GPC5: variants seen among roughly 807,000 people sequenced by gnomAD.
The protein encoded by GPC5 is glypican-5.
A neutral mutation model predicts 53.9 loss-of-function variants in GPC5; 47 were observed. That is an observed-to-expected ratio of 0.87 (90% CI 0.69 to 1.11). The LOEUF is 1.11. Among genes scored for constraint, GPC5 ranks in the 50% most tolerant of loss-of-function variants. GPC5 has a pLI of 0.00. For synonymous variants in GPC5, 286 were observed against 263.3 expected, an observed-to-expected ratio of 1.09 and a Z score of -0.84; for missense variants, 748 against 713.1, an observed-to-expected ratio of 1.05 and a Z score of -0.56.
chr13:91,910,834 C>A (rs2039603193), intron 6 of GPC5, among the ~76,000 whole-genome samples: 1 of 152,106 alleles, frequency 6.6e-6, no homozygotes, highest in African/African-American at 2.4e-5. Flanking sequence ...GCAGACACAA[C>A]CCTGCTCTCA....
At chr13:92,186,664 G>C (rs540549505) in intron 7 of GPC5, among the ~76,000 whole-genome samples, 13 of 152,148 alleles carry the variant, frequency 8.5e-5, no homozygotes, top group Non-Finnish European at 1.6e-4. Context: ...TACTGGATTT[G>C]ATTCTAACTC....
intron 5 of GPC5, among the ~76,000 whole-genome samples, chr13:91,899,053 A>G (rs137905830): frequency 0.011 from 1,680 of 152,272 alleles, 12 homozygotes; most frequent in African/African-American, 0.021. Context: ...ATTAAAATTT[A>G]TTCTTTGTTT....
intron 6 of GPC5, among the ~76,000 whole-genome samples, chr13:91,975,063 A>C (rs59083831): frequency 0.033 from 5,001 of 152,230 alleles, 207 homozygotes; most frequent in African/African-American, 0.1. Flanking sequence ...AACTGGCTAG[A>C]CATATGTAGA....
intron 3 of GPC5, among the ~76,000 whole-genome samples, chr13:91,708,618 A>G (rs573248747): frequency 3.9e-5 from 6 of 152,208 alleles, no homozygotes; most frequent in Non-Finnish European, 8.8e-5. Context: ...TGGTTGCACT[A>G]CTCTGTGAAT....
chr13:91,538,774 G>A (rs1886709125), intron 2 of GPC5, among the ~76,000 whole-genome samples: 1 of 151,450 alleles, frequency 6.6e-6, no homozygotes, highest in Non-Finnish European at 1.5e-5. Flanking sequence ...AGTAGAGACC[G>A]GGTTTCACCA....
At chr13:92,827,950 T>C (rs1877908883) in intron 7 of GPC5, among the ~76,000 whole-genome samples, 1 of 152,066 alleles carries the variant, frequency 6.6e-6, no homozygotes, top group Admixed American at 6.6e-5. Flanking sequence ...CTGAGGGAGC[T>C]ACAAGTTACC....
chr13:92,659,118 C>G (rs1231079779), intron 7 of GPC5: 1 of 149,848 alleles, frequency 6.7e-6, no homozygotes, highest in African/African-American at 2.4e-5. Context: ...TTAGTAGAGA[C>G]GGGGTTTCAC....
At chr13:91,559,429 A>G (rs928585837) in intron 2 of GPC5, among the ~76,000 whole-genome samples, 7 of 152,168 alleles carry the variant, frequency 4.6e-5, no homozygotes, top group Non-Finnish European at 1.0e-4. Context: ...TATGATGGCC[A>G]TAAGTAATAG....
At chr13:92,675,635 C>G (rs1172567676) in intron 7 of GPC5, among the ~76,000 whole-genome samples, 2 of 151,738 alleles carry the variant, frequency 1.3e-5, no homozygotes, top group African/African-American at 4.8e-5. Context: ...TTTTTCAACT[C>G]CAAATAAATA....
intron 5 of GPC5, among the ~76,000 whole-genome samples, chr13:91,884,642 T>C (rs2039303386): frequency 6.6e-6 from 1 of 152,222 alleles, no homozygotes; most frequent in Admixed American, 6.5e-5. Context: ...CTGGCACTTG[T>C]GTAATAAATA....
chr13:92,237,280 C>T (rs1026936825), intron 7 of GPC5, among the ~76,000 whole-genome samples: 9 of 152,032 alleles, frequency 5.9e-5, no homozygotes, highest in South Asian at 2.1e-4. Flanking sequence ...AGTGCAGTGG[C>T]GTAATCTCAG....
chr13:92,721,130 G>A (rs1888497523), intron 7 of GPC5, among the ~76,000 whole-genome samples: 1 of 151,936 alleles, frequency 6.6e-6, no homozygotes, highest in African/African-American at 2.4e-5. Context: ...GGATACACAG[G>A]GAACTGAATG....
At chr13:92,157,712 G>A (rs1430957035) in intron 7 of GPC5, among the ~76,000 whole-genome samples, 4 of 152,226 alleles carry the variant, frequency 2.6e-5, no homozygotes, top group Middle Eastern at 3.4e-3. Context: ...GAGGTTTATC[G>A]TTATTTTTTG....
chr13:92,467,921 A>G (rs1878762312), intron 7 of GPC5, among the ~76,000 whole-genome samples: 1 of 152,130 alleles, frequency 6.6e-6, no homozygotes, highest in Non-Finnish European at 1.5e-5. Flanking sequence ...AGATTATGAG[A>G]TATCCAGTAA....
intron 6 of GPC5, among the ~76,000 whole-genome samples, chr13:92,120,427 T>G (rs1301048060): frequency 6.6e-6 from 1 of 152,126 alleles, no homozygotes; most frequent in Admixed American, 6.5e-5. Flanking sequence ...CTGGCTATTT[T>G]TTAAAATTTT....
intron 2 of GPC5, among the ~76,000 whole-genome samples, chr13:91,560,283 G>A (rs915713381): frequency 1.4e-4 from 21 of 152,112 alleles, no homozygotes; most frequent in Non-Finnish European, 2.2e-4. Context: ...ACTCTACTAA[G>A]GCATTGGGAA....
intron 2 of GPC5, among the ~76,000 whole-genome samples, chr13:91,678,042 C>T (rs771696459): frequency 1.3e-5 from 2 of 152,050 alleles, no homozygotes; most frequent in Non-Finnish European, 2.9e-5. Context: ...ATTTTTTTCT[C>T]CAGCTATTTG....
At chr13:91,948,572 T>C (rs189630176) in intron 6 of GPC5, among the ~76,000 whole-genome samples, 1 of 152,302 alleles carries the variant, frequency 6.6e-6, no homozygotes, top group African/African-American at 2.4e-5. Context: ...AACTAAGTTA[T>C]TTGTTAAACA....
rs567833626 is a variant in GPC5, at chr13:92,640,784, A to G, written c.1562-225498A>G. On this transcript the variant is annotated intron_variant, in intron 7 of 7. Coordinates refer to ENST00000377067, the MANE Select transcript of GPC5 (RefSeq NM_004466.6). ...CAAATCTAGGGACAATTTGAGTATC[A>G]AAATCAATGAGGATTGCAATGGATT... 1.4e-3 allele frequency among the ~76,000 whole-genome samples: 217 copies of G among 152,318 alleles called. 1 individual carries two copies. The highest frequency in any genetic ancestry group is 5.1e-3 in the African/African-American group (210 of 41,566).
Sources: gnomAD v4.1 joint callset for allele counts (sites outside exome capture counted in the v4.1 genomes callset) on GRCh38, gnomAD v4.1.1 for gene constraint, MANE v1.5 for transcripts, NCBI Gene and HGNC (gene_info 2026-07-23, HGNC 2026-07-21) for gene names.